Variants in KYAT3 observed in about 807,000 individuals in gnomAD.
KYAT3 encodes the protein kynurenine aminotransferase 3.
In KYAT3, 50 loss-of-function variants were observed where a neutral mutation model predicts 59.0. That is an observed-to-expected ratio of 0.85 (90% CI 0.68 to 1.07). The LOEUF (loss-of-function observed/expected upper bound fraction) is 1.07. KYAT3 is among the 50% of genes least tolerant of loss of function. The pLI, the probability that KYAT3 is intolerant of heterozygous loss-of-function variation, is 0.00. For missense variants in KYAT3, 497 were observed against 533.3 expected, an observed-to-expected ratio of 0.93 and a Z score of 0.67; for synonymous variants, 148 against 177.0, an observed-to-expected ratio of 0.84 and a Z score of 1.30.
intron 2 of KYAT3, among the ~76,000 whole-genome samples, chr1:88,973,766 T>C (rs972493170): frequency 2.1e-4 from 32 of 152,202 alleles, no homozygotes; most frequent in African/African-American, 7.2e-4. Context: ...ATTAAGTCTT[T>C]AAAAAAGTTT....
the KYAT3 span, among the ~76,000 whole-genome samples, chr1:88,926,030 A>G: frequency 6.6e-6 from 1 of 152,170 alleles, no homozygotes; most frequent in Non-Finnish European, 1.5e-5. Context: ...GGTGGCCCAA[A>G]TGCATTCAAT....
chr1:88,934,971 A>G (rs1249896890), downstream of KYAT3, among the ~76,000 whole-genome samples: 5 of 149,926 alleles, frequency 3.3e-5, no homozygotes, highest in East Asian at 9.9e-4. Context: ...TTGAAATTGT[A>G]GTAAGTTTAA....
chr1:88,978,700 A>G (rs1676920910), intron 2 of KYAT3, among the ~76,000 whole-genome samples: 1 of 149,978 alleles, frequency 6.7e-6, no homozygotes, highest in Non-Finnish European at 1.5e-5. Flanking sequence ...TGGTAGAGAT[A>G]GAATATTGCT....
At chr1:88,945,455 T>G (rs1354049885) in intron 11 of KYAT3, among the ~76,000 whole-genome samples, 1 of 152,306 alleles carries the variant, frequency 6.6e-6, no homozygotes, top group East Asian at 1.9e-4. Flanking sequence ...TTCTAATTAC[T>G]GGATTCAGAG....
intron 2 of KYAT3, among the ~76,000 whole-genome samples, chr1:88,978,495 C>T (rs1282319296): frequency 2.0e-5 from 3 of 151,958 alleles, no homozygotes; most frequent in African/African-American, 7.2e-5. Context: ...GCCAGTATGC[C>T]TGGTTAACTT....
chr1:88,942,594 G>A (rs935247307), intron 13 of KYAT3, among the ~76,000 whole-genome samples: 2 of 151,742 alleles, frequency 1.3e-5, no homozygotes, highest in Non-Finnish European at 2.9e-5. Context: ...ACGGAGTCGC[G>A]CTCTGTTGCC....
At chr1:88,941,238 T>C (rs1259499520) in intron 13 of KYAT3, among the ~76,000 whole-genome samples, 1 of 152,232 alleles carries the variant, frequency 6.6e-6, no homozygotes, top group African/African-American at 2.4e-5. Flanking sequence ...AGGTTGTTAA[T>C]ATTTATATTC....
rs527438739 is a variant in KYAT3, at chr1:88,936,652, A to G, written c.1303-407T>C. 2.8e-5 allele frequency among the ~76,000 whole-genome samples: 4 copies of G among 142,596 alleles called. No individual in the cohort carries two copies. In the South Asian group the frequency reaches 9.0e-4, roughly 32 times the overall value. 93.5% of individuals were successfully genotyped at this position (142,596 alleles called of 152,430 possible). ...TTCACATATTATCTACTATATCTAT[A>G]CTTTGCTCTGAACAAAAAAAAATTA... On this transcript the variant is annotated intron_variant, in intron 13 of 13. Transcript: ENST00000260508.
At chr1:88,983,943 A>C (rs1570843448) in intron 2 of KYAT3, 1 of 1,124,960 alleles carries the variant, frequency 8.9e-7, no homozygotes, top group Non-Finnish European at 1.3e-6. Flanking sequence ...GGAGGACTGA[A>C]CCGCGAAGCC....
intron 11 of KYAT3, among the ~76,000 whole-genome samples, chr1:88,946,391 G>A (rs1014545092): frequency 4.0e-5 from 6 of 151,658 alleles, no homozygotes; most frequent in South Asian, 2.1e-4. Flanking sequence ...TTGAACTCCC[G>A]GGCTCAAGCA....
intron 10 of KYAT3, among the ~76,000 whole-genome samples, chr1:88,952,562 C>T (rs10922524): frequency 0.032 from 4,901 of 152,240 alleles, 234 homozygotes; most frequent in African/African-American, 0.11. Flanking sequence ...CATGCCTACT[C>T]CCTCTTTGCC....
chr1:88,956,901 C>A (rs1428116612), intron 8 of KYAT3, among the ~76,000 whole-genome samples: 1 of 152,196 alleles, frequency 6.6e-6, no homozygotes, highest in Non-Finnish European at 1.5e-5. Flanking sequence ...TCTTTCCATG[C>A]AACCCACAAG....
the KYAT3 span, among the ~76,000 whole-genome samples, chr1:88,929,444 G>A: frequency 6.6e-6 from 1 of 152,124 alleles, no homozygotes; most frequent in Non-Finnish European, 1.5e-5. Context: ...CTCAATTCTT[G>A]TTTTCCTTTG....
At chr1:88,984,189 G>C (rs1022499331) in intron 2 of KYAT3, 1 of 154,116 alleles carries the variant, frequency 6.5e-6, no homozygotes, top group Non-Finnish European at 1.4e-5. Flanking sequence ...ATTAACAGGA[G>C]CCCTTTTTTT....
In KYAT3 at chr1:88,961,128, A is replaced by G. The variant is rs201846351; in HGVS notation, c.787+39T>C. ...CAATCAGTTCTTCCATATGTGCCCA[A>G]ACACATTTAGATATGTGACTCTGTG... On this transcript the variant is annotated intron_variant, in intron 8 of 13. Transcript: ENST00000260508. The G allele has an allele frequency of 4.4e-6, 7 of 1,608,384 alleles. No homozygotes were observed. The Admixed American group carries it at 1.0e-4, about 23-fold the overall frequency.
At chr1:88,949,338 T>A in intron 10 of KYAT3, 61 bp from the exon 11 acceptor site, 1 of 1,205,848 alleles carries the variant, frequency 8.3e-7, no homozygotes, top group Non-Finnish European at 1.1e-6. Context: ...ATTGCTTAGT[T>A]TATTGGTATA....
intron 2 of KYAT3, among the ~76,000 whole-genome samples, chr1:88,986,150 CAGCCTGGGCGGCAAG>C (rs1677437073): frequency 6.6e-6 from 1 of 150,624 alleles, no homozygotes; most frequent in Admixed American, 6.6e-5. Context: ...CATTGCACTC[CAGCCTGGGCGGCAAG>C]AGTGAGAGAC....
In KYAT3 at chr1:88,975,615, A is replaced by C. The variant is rs115176908; in HGVS notation, c.100-6148T>G. Among the ~76,000 whole-genome samples the C allele has an allele frequency of 8.5e-3, 1,295 of 152,372 alleles. 16 individuals carry two copies. The highest frequency in any genetic ancestry group is 0.03 in the African/African-American group (1,252 of 41,572). On this transcript the variant is annotated intron_variant, in intron 2 of 13. Coordinates refer to ENST00000260508, the MANE Select transcript of KYAT3 (RefSeq NM_001008661.3). ...TATAGTCATCTGGTTCTATCAAACT[A>C]AACACATTTAACTTTTGATTTACTT...
intron 2 of KYAT3, chr1:88,982,532 G>A (rs1396077298): frequency 2.9e-6 from 4 of 1,371,778 alleles, no homozygotes; most frequent in African/African-American, 1.5e-5. Flanking sequence ...ACTTAACAGG[G>A]AATTTAAAAA....
Sources: gnomAD v4.1 joint callset for allele counts (sites outside exome capture counted in the v4.1 genomes callset) on GRCh38, gnomAD v4.1.1 for gene constraint, MANE v1.5 for transcripts, NCBI Gene and HGNC (gene_info 2026-07-23, HGNC 2026-07-21) for gene names.